The following CCDC102B variants were observed in gnomAD, a reference collection of about 807,000 sequenced individuals.
CCDC102B encodes coiled-coil domain-containing protein 102B.
A neutral mutation model predicts 57.4 loss-of-function variants in CCDC102B; 75 were observed. The ratio of observed to expected loss-of-function variants is 1.31; its 90% CI spans 1.08 to 1.58. The LOEUF (loss-of-function observed/expected upper bound fraction) is 1.58, where lower values mean the gene tolerates loss of function less well. CCDC102B is among the 40% of genes most tolerant of loss of function. The pLI is 0.00. For missense variants in CCDC102B, 636 were observed against 582.6 expected, an observed-to-expected ratio of 1.09 and a Z score of -0.94; for synonymous variants, 206 against 201.9, an observed-to-expected ratio of 1.02 and a Z score of -0.17.
At position 69,054,779 on chromosome 18, in the gene CCDC102B, A is replaced by G. The variant is rs757941520; in HGVS notation, c.*642A>G. 31 of 985,206 alleles carry G rather than the reference A, an allele frequency of 3.1e-5. No individual in the cohort carries two copies. The highest frequency in any genetic ancestry group is 3.7e-5 in the Non-Finnish European group (31 of 829,912). The allele number at this position is 985,206 out of a possible 1,614,324, so 61.0% of individuals were successfully genotyped here. On this transcript the variant is annotated 3_prime_UTR_variant, in exon 8 of 8. Transcript: ENST00000360242. ...TAAGCATCGCTGAGAAACTAAAAGG[A>G]CTTTTGACTTTTATCTGGATAGACA...
chr18:69,054,091 G>A lies in CCDC102B; in HGVS notation c.1496G>A (p.Arg499Lys). Reference protein sequence around the residue: ...LQRSLDEEKERNENLETELRH... With the variant: ...LQRSLDEEKEKNENLETELRH... ...AGGTCTCTGGATGAAGAGAAAGAAA[G>A]AAATGAAAACTTAGAGACTGAACTC... Residue 499 changes from arginine (R) to lysine (K), a missense_variant, in exon 8 of 8, where the codon AGA (arginine) becomes AAA (lysine). Coordinates refer to ENST00000360242, the MANE Select transcript of CCDC102B (RefSeq NM_024781.3). The A allele has an allele frequency of 6.2e-7, 1 of 1,607,298 alleles. No homozygotes were observed. Among genetic ancestry groups the A allele is most frequent in the Non-Finnish European group, 8.5e-7 (1 of 1,178,158 alleles).
In CCDC102B at chr18:68,742,319, A is replaced by G. The variant is rs537821463; in HGVS notation, c.-67+25725A>G. Among the ~76,000 whole-genome samples, 130 of 152,234 alleles carry G rather than the reference A, an allele frequency of 8.5e-4. 1 individual carries two copies. The highest frequency in any genetic ancestry group is 2.8e-3 in the African/African-American group (118 of 41,536). ...TCTTTGTGTCTCTTTTCCTCTTCCT[A>G]TAAGAGCACCAGTCATATTTGATTA... is the stretch of plus-strand genomic sequence containing the variant. On this transcript the variant is annotated intron_variant, in intron 2 of 3. Transcript: ENST00000578970.
Position 68,874,675 on chromosome 18 carries a change from A to T in CCDC102B, c.943A>T (p.Ile315Phe), listed in dbSNP as rs373135170. 1 of 1,603,806 alleles carries T rather than the reference A, an allele frequency of 6.2e-7. No homozygotes were observed. The highest frequency in any genetic ancestry group is 1.7e-5 in the Admixed American group (1 of 59,908). The part of the protein sequence containing the change: ...SKPKNVKEFD[I>F]LLGQHNDEMQ... ...TTTCAACTTTCTTTTTCAGTTTGAC[A>T]TTCTTCTTGGTCAACATAATGATGA... Residue 315 changes from isoleucine (I) to phenylalanine (F), a missense_variant, in exon 5 of 8, where the codon ATT becomes TTT. Physicochemically the swap from Ile to Phe is conservative, Grantham distance 21. Transcript: ENST00000360242.
intron 5 of CCDC102B, among the ~76,000 whole-genome samples, chr18:68,883,428 A>G (rs1240812637): frequency 6.6e-6 from 1 of 152,238 alleles, no homozygotes; most frequent in Admixed American, 6.5e-5. Context: ...AAAAATGTAT[A>G]TGTATAAAAA....
At chr18:68,905,554 G>A (rs1169835530) in intron 6 of CCDC102B, among the ~76,000 whole-genome samples, 1 of 138,446 alleles carries the variant, frequency 7.2e-6, no homozygotes, top group Non-Finnish European at 1.5e-5. Context: ...ACATTTAGTG[G>A]TATTTAGTAG....
intron 6 of CCDC102B, among the ~76,000 whole-genome samples, chr18:68,970,641 G>A (rs933008070): frequency 6.6e-6 from 1 of 151,656 alleles, no homozygotes; most frequent in Non-Finnish European, 1.5e-5. Context: ...TAGAGAATTG[G>A]ATAACTTTAT....
intron 6 of CCDC102B, among the ~76,000 whole-genome samples, chr18:68,967,276 A>G (rs932152064): frequency 1.3e-5 from 2 of 152,156 alleles, no homozygotes; most frequent in Non-Finnish European, 2.9e-5. Flanking sequence ...GCCATCTTAT[A>G]AAGTATATTT....
At chr18:68,849,595 C>T (rs1446581909) in intron 4 of CCDC102B, among the ~76,000 whole-genome samples, 5 of 152,074 alleles carry the variant, frequency 3.3e-5, no homozygotes, top group African/African-American at 1.2e-4. Flanking sequence ...TAAGACATTA[C>T]ATCGGATCGT....
At chr18:69,009,359 T>C (rs1474434231) in intron 6 of CCDC102B, among the ~76,000 whole-genome samples, 1 of 152,178 alleles carries the variant, frequency 6.6e-6, no homozygotes, top group Admixed American at 6.6e-5. Flanking sequence ...CCCTTTAAGC[T>C]ACCCTCACAT....
At chr18:68,849,970 G>A (rs117227493) in intron 4 of CCDC102B, among the ~76,000 whole-genome samples, 1,926 of 152,114 alleles carry the variant, frequency 0.013, 31 homozygotes, top group Non-Finnish European at 0.017. Context: ...AGAGAAAGGA[G>A]GATTATGTAA....
intron 5 of CCDC102B, among the ~76,000 whole-genome samples, chr18:68,882,934 G>C (rs1037620218): frequency 6.6e-6 from 1 of 152,134 alleles, no homozygotes; most frequent in African/African-American, 2.4e-5. Context: ...GGAGCTAAAT[G>C]ATAAGAACAC....
chr18:68,795,361 C>G (rs1352811760), upstream of CCDC102B, among the ~76,000 whole-genome samples: 2 of 152,074 alleles, frequency 1.3e-5, no homozygotes, highest in African/African-American at 4.8e-5. Flanking sequence ...TAAGGAAAGG[C>G]CATATATATT....
At chr18:68,959,121 T>A (rs1416587891) in intron 6 of CCDC102B, among the ~76,000 whole-genome samples, 1 of 152,086 alleles carries the variant, frequency 6.6e-6, no homozygotes, top group African/African-American at 2.4e-5. Flanking sequence ...AGTCTGTACT[T>A]TTTTTGTACC....
At chr18:68,828,235 C>T (rs2036985313) in intron 1 of CCDC102B, among the ~76,000 whole-genome samples, 1 of 134,228 alleles carries the variant, frequency 7.5e-6, no homozygotes, top group African/African-American at 2.7e-5. Context: ...ATCTAATTGT[C>T]ATTTATAGAA....
In CCDC102B at chr18:68,957,860, T is replaced by A. The variant is rs2049943065; in HGVS notation, c.1264-53074T>A. ...TAATTCCTAGACTTTTATTTTTATATATGACTGTTGTAAATGACATTACCT... is the reference window on the plus strand; with the variant it reads ...TAATTCCTAGACTTTTATTTTTATAAATGACTGTTGTAAATGACATTACCT... On this transcript the variant is annotated intron_variant, in intron 6 of 7. Transcript: ENST00000360242. 1.3e-5 allele frequency among the ~76,000 whole-genome samples: 2 copies of A among 152,156 alleles called. 1 individual carries two copies. Among genetic ancestry groups the A allele is most frequent in the South Asian group, 4.1e-4 (2 of 4,832 alleles).
chr18:68,869,600 C>T (rs951797152), intron 4 of CCDC102B, among the ~76,000 whole-genome samples: 1 of 152,110 alleles, frequency 6.6e-6, no homozygotes, highest in Admixed American at 6.5e-5. Context: ...TGTTTAAGTT[C>T]GTTATAGATT....
At chr18:68,748,971 T>G (rs2033737829) in intron 2 of CCDC102B, among the ~76,000 whole-genome samples, 1 of 152,194 alleles carries the variant, frequency 6.6e-6, no homozygotes. Context: ...AAGGAAGGGA[T>G]CCAGTTTCAG....
chr18:68,765,320 GGAAGGAAAGAAAGAAAGAAAGAAAGAA>G (rs2034405846), intron 2 of CCDC102B, among the ~76,000 whole-genome samples: 1 of 40,618 alleles, frequency 2.5e-5, no homozygotes, highest in Non-Finnish European at 5.2e-5. Context: ...AAGGAAGGAA[GGAAGGAAAGAAAGAAAGAAAGAAAGAA>G]AGAAAGAAAG....
intron 1 of CCDC102B, among the ~76,000 whole-genome samples, chr18:68,834,834 C>T (rs936980985): frequency 2.0e-5 from 3 of 151,514 alleles, no homozygotes; most frequent in African/African-American, 7.3e-5. Context: ...TGATTAAAGG[C>T]TTATTTTGTA....
Sources: gnomAD v4.1 joint callset for allele counts (sites outside exome capture counted in the v4.1 genomes callset) on GRCh38, gnomAD v4.1.1 for gene constraint, MANE v1.5 for transcripts, NCBI Gene and HGNC (gene_info 2026-07-23, HGNC 2026-07-21) for gene names.